SHISA6: variants seen among roughly 807,000 people sequenced by gnomAD.
The protein encoded by SHISA6 is protein shisa-6.
Under a neutral mutation model 47.9 loss-of-function variants are expected in SHISA6, and 22 were observed. The observed-to-expected ratio is 0.46, with a 90% CI of 0.33 to 0.66. The LOEUF is 0.66. Among genes scored for constraint, SHISA6 ranks in the 30% least tolerant of loss-of-function variants. SHISA6 has a pLI of 0.02. For synonymous variants in SHISA6, 388 were observed against 337.8 expected, an observed-to-expected ratio of 1.15 and a Z score of -1.63; for missense variants, 680 against 764.6, an observed-to-expected ratio of 0.89 and a Z score of 1.30.
intron 3 of SHISA6, among the ~76,000 whole-genome samples, chr17:11,396,670 C>A (rs1232880939): frequency 1.3e-5 from 2 of 152,132 alleles, no homozygotes; most frequent in Admixed American, 6.6e-5. Context: ...CATATTCTCA[C>A]TCATAAGTGG....
chr17:11,558,299 G>C lies in SHISA6; in HGVS notation c.1651G>C (p.Val551Leu), dbSNP rs951120422. The C allele has an allele frequency of 1.3e-6, 2 of 1,537,948 alleles. No individual in the cohort carries two copies. Among genetic ancestry groups the C allele is most frequent in the Non-Finnish European group, 1.7e-6 (2 of 1,146,508 alleles). The change falls in exon 6 of 6, where the codon GTG becomes CTG. Residue 551 changes from valine to leucine, a missense_variant. Physicochemically the swap from Val to Leu is conservative, Grantham distance 32. This residue lies in a region of SHISA6 where 559 missense variants were observed against 674.1 expected (regional missense o/e 0.83). Transcript: ENST00000441885. ...CACAGCCAGCAAGACCGAAGTGACC[G>C]TGTGACCGGCGGGGCAGGGCCGGGG... ...CYTASKTEVTV is the reference protein window; with the variant it reads ...CYTASKTEVTL
At chr17:11,362,081 G>A (rs1371486116) in intron 2 of SHISA6, among the ~76,000 whole-genome samples, 2 of 152,086 alleles carry the variant, frequency 1.3e-5, no homozygotes, top group African/African-American at 4.8e-5. Context: ...TCATCATTAA[G>A]CATGATGCAC....
At chr17:11,534,997 AGG>A (rs2071773349) in intron 3 of SHISA6, among the ~76,000 whole-genome samples, 1 of 152,030 alleles carries the variant, frequency 6.6e-6, no homozygotes, top group Non-Finnish European at 1.5e-5. Flanking sequence ...GCGTGGTGGC[AGG>A]CACCTGTAAC....
chr17:11,488,763 T>C (rs1167309955), intron 3 of SHISA6, among the ~76,000 whole-genome samples: 1 of 152,220 alleles, frequency 6.6e-6, no homozygotes, highest in East Asian at 1.9e-4. Flanking sequence ...TAATGCTCAT[T>C]GGTTCTGATG....
intron 3 of SHISA6, among the ~76,000 whole-genome samples, chr17:11,472,250 T>C (rs1473891198): frequency 6.6e-6 from 1 of 152,152 alleles, no homozygotes; most frequent in East Asian, 1.9e-4. Context: ...TCCATGTCTT[T>C]TCATAGCACA....
intron 3 of SHISA6, among the ~76,000 whole-genome samples, chr17:11,400,268 C>T (rs180752198): frequency 1.3e-5 from 2 of 152,268 alleles, no homozygotes; most frequent in East Asian, 1.9e-4. Context: ...AACTGACGTT[C>T]GTTTTCTGCC....
In SHISA6 at chr17:11,561,752, C is replaced by G. The variant is rs1330152788; in HGVS notation, c.*3448C>G. The stretch of plus-strand genomic sequence containing the variant: ...TTCCTCCATTCCTAATTTCTTTTCC[C>G]TGGTCTTGCTATAATCTCCAGCTCT... On this transcript the variant is annotated 3_prime_UTR_variant, in exon 6 of 6. Transcript: ENST00000441885. 3 of 152,136 alleles carry G rather than the reference C, an allele frequency of 2.0e-5. No homozygotes were observed. The highest frequency in any genetic ancestry group is 4.4e-5 in the Non-Finnish European group (3 of 68,054). 9.4% of individuals were successfully genotyped at this position (152,136 alleles called of 1,614,324 possible). A position where few individuals can be genotyped will look rare whatever the true frequency, so the allele number is the denominator to read the frequency against.
chr17:11,441,567 G>A (rs1372785277), intron 3 of SHISA6, among the ~76,000 whole-genome samples: 1 of 152,152 alleles, frequency 6.6e-6, no homozygotes, highest in Non-Finnish European at 1.5e-5. Context: ...CTGTAATCAG[G>A]AAAAGAAAGA....
intron 2 of SHISA6, among the ~76,000 whole-genome samples, chr17:11,285,959 C>T (rs1386513367): frequency 6.6e-6 from 1 of 151,862 alleles, no homozygotes. Context: ...GCCTCAGCCT[C>T]CTGAATAGCT....
chr17:11,425,456 A>G (rs1040686287), intron 3 of SHISA6, among the ~76,000 whole-genome samples: 1 of 152,124 alleles, frequency 6.6e-6, no homozygotes, highest in East Asian at 1.9e-4. Flanking sequence ...TCATTCTACC[A>G]TATCATTTCC....
At chr17:11,383,595 C>T (rs1913099923) in intron 3 of SHISA6, among the ~76,000 whole-genome samples, 1 of 152,124 alleles carries the variant, frequency 6.6e-6, no homozygotes, top group African/African-American at 2.4e-5. Context: ...TTACATAGCA[C>T]TACCTTAGGC....
intron 2 of SHISA6, among the ~76,000 whole-genome samples, chr17:11,269,338 C>T (rs1181152790): frequency 6.6e-6 from 1 of 152,154 alleles, no homozygotes; most frequent in Non-Finnish European, 1.5e-5. Flanking sequence ...CTGTGCTTGG[C>T]CTGCCCAGGC....
At chr17:11,525,989 A>G (rs1321325111) in intron 3 of SHISA6, among the ~76,000 whole-genome samples, 1 of 150,476 alleles carries the variant, frequency 6.6e-6, no homozygotes. Context: ...AGTCTGGGCA[A>G]CAAGCGAGAC....
chr17:11,448,325 T>A (rs763513995), intron 3 of SHISA6, among the ~76,000 whole-genome samples: 10 of 151,372 alleles, frequency 6.6e-5, no homozygotes, highest in Non-Finnish European at 1.3e-4. Flanking sequence ...GTGCCAGGAG[T>A]TCTAGACCAG....
chr17:11,273,455 C>T (rs894302911), intron 2 of SHISA6, among the ~76,000 whole-genome samples: 6 of 152,214 alleles, frequency 3.9e-5, no homozygotes, highest in Admixed American at 6.5e-5. Context: ...TGCTCCAGGT[C>T]GGACCACCTT....
chr17:11,305,529 A>T (rs982801404), intron 2 of SHISA6, among the ~76,000 whole-genome samples: 2 of 152,158 alleles, frequency 1.3e-5, no homozygotes, highest in East Asian at 3.8e-4. Flanking sequence ...GGCTGGATTG[A>T]CTGATGAAGC....
chr17:11,551,739 C>T (rs74323129), intron 3 of SHISA6, among the ~76,000 whole-genome samples, 157 bp from the exon 4 acceptor site: 1,748 of 152,230 alleles, frequency 0.011, 46 homozygotes, highest in African/African-American at 0.039. Context: ...CAGCAGGGGA[C>T]GTTTCTTGGA....
At chr17:11,485,220 C>T (rs914881039) in intron 3 of SHISA6, among the ~76,000 whole-genome samples, 10 of 151,894 alleles carry the variant, frequency 6.6e-5, no homozygotes, top group African/African-American at 2.4e-4. Flanking sequence ...GAGAAGGAGG[C>T]CAGAGAAGGA....
chr17:11,537,691 T>C (rs1597575884), intron 3 of SHISA6, among the ~76,000 whole-genome samples: 1 of 152,228 alleles, frequency 6.6e-6, no homozygotes, highest in African/African-American at 2.4e-5. Context: ...TGGCCTCTTG[T>C]TCATTTTCTG....
Sources: allele counts gnomAD v4.1 joint callset (sites outside exome capture counted in the v4.1 genomes callset), GRCh38; gene constraint gnomAD v4.1.1; regional missense constraint gnomAD v4.1.1; transcripts MANE v1.5; gene names NCBI Gene and HGNC (gene_info 2026-07-23, HGNC 2026-07-21).